The following CAD variants were observed in gnomAD, a reference collection of about 807,000 sequenced individuals.
CAD encodes carbamoyl-phosphate synthetase 2, aspartate transcarbamylase, and dihydroorotase.
A neutral mutation model predicts 237.2 loss-of-function variants in CAD; 81 were observed. That is an observed-to-expected ratio of 0.34 (90% CI 0.29 to 0.41). The LOEUF (loss-of-function observed/expected upper bound fraction) is 0.41. Ranked by LOEUF, CAD falls within the 10% of genes least tolerant of loss-of-function variation. The probability of loss-of-function intolerance (pLI) is 1.00; values close to 1 mark genes in which losing one functional copy is unlikely to be tolerated. For missense variants in CAD, 2,181 were observed against 2,951.7 expected (o/e 0.74, Z 6.05); for synonymous variants, 1,196 against 1,162.8 (o/e 1.03, Z -0.58).
At chr2:27,238,761 C>T (rs1676150555) in intron 31 of CAD, 129 bp downstream of exon 31, 1 of 832,496 alleles carries the variant, frequency 1.2e-6, no homozygotes, top group South Asian at 1.8e-5. Context: ...GGGACCCTAG[C>T]CTCTAGGGTA....
rs781164703 is a variant in CAD, at chr2:27,242,785, TCA to T, written c.6378+13_6378+14del. On this transcript the variant is annotated intron_variant, in intron 41 of 43. Coordinates refer to ENST00000264705, the MANE Select transcript of CAD (RefSeq NM_004341.5). This position sits in a 1 kb window ranked among gnomAD's most constrained non-coding sequence, Gnocchi z 6.4. The stretch of plus-strand genomic sequence containing the variant: ...CCGCGGCACCAAGCAGGTGAGACCC[TCA>T]CAGCCCTGCCTGGAAGCCATGGAGA... 4.3e-6 allele frequency: 7 copies of T among 1,614,156 alleles called. No homozygotes were observed. Among genetic ancestry groups the T allele is most frequent in the Admixed American group, 1.7e-5 (1 of 60,024 alleles).
intron 15 of CAD, among the ~76,000 whole-genome samples, chr2:27,229,958 T>C (rs745398628): frequency 6.6e-6 from 1 of 150,520 alleles, no homozygotes; most frequent in Admixed American, 6.6e-5. Flanking sequence ...AGTTAGTTGG[T>C]TGGGCGCAGT....
At chr2:27,220,244 G>A (rs903400836) in intron 2 of CAD, among the ~76,000 whole-genome samples, 1 of 152,146 alleles carries the variant, frequency 6.6e-6, no homozygotes, top group Non-Finnish European at 1.5e-5. Flanking sequence ...GACGTAAATA[G>A]CAAGAGAGGA....
Position 27,225,747 on chromosome 2 carries a change from C to G in CAD, c.1663C>G (p.Arg555Gly). The G allele has an allele frequency of 6.2e-7, 1 of 1,614,184 alleles. No individual in the cohort carries two copies. Among genetic ancestry groups the G allele is most frequent in the African/African-American group, 1.3e-5 (1 of 75,058 alleles). The change falls in exon 12 of 44, where the codon CGT (arginine) becomes GGT (glycine). Residue 555 changes from arginine to glycine, a missense_variant. Arg to Gly is a moderately radical substitution (Grantham distance 125). Transcript: ENST00000264705. ...ACGGCTGGGGTACCCTGTGCTAGTG[C>G]GTGCAGCCTTTGCCCTGGGTGGCCT... ...AERLGYPVLV[R>G]AAFALGGLGS...
chr2:27,230,607 CAA>C (rs1675700689), intron 15 of CAD, among the ~76,000 whole-genome samples: 8 of 150,924 alleles, frequency 5.3e-5, no homozygotes, highest in Admixed American at 4.0e-4. Context: ...GCCTGGGCAA[CAA>C]GAGCGAAAGT....
rs1675938909 is a variant in CAD, at chr2:27,235,087, AC to A, written c.3787-154del. 6.6e-6 allele frequency among the ~76,000 whole-genome samples: 1 copy of A among 152,142 alleles called. No homozygotes were observed. The highest frequency in any genetic ancestry group is 1.5e-5 in the Non-Finnish European group (1 of 68,024). On this transcript the variant is annotated intron_variant, in intron 23 of 43. Coordinates refer to ENST00000264705, the MANE Select transcript of CAD (RefSeq NM_004341.5). This position sits in a 1 kb window ranked among gnomAD's most constrained non-coding sequence, Gnocchi z 5.2. ...CATCCTAAGCAGAAGCTGAGGGATG[AC>A]CCCAAGTACGTTTGGAAAGCAGGAG...
In CAD at chr2:27,241,091, C is replaced by G. The variant is rs1676294854; in HGVS notation, c.5672C>G (p.Pro1891Arg). The G allele has an allele frequency of 6.2e-7, 1 of 1,609,210 alleles. No individual in the cohort carries two copies. The highest frequency in any genetic ancestry group is 1.3e-5 in the African/African-American group (1 of 74,614). Residue 1891 changes from proline to arginine, a missense_variant, in exon 37 of 44, where the codon CCT becomes CGT. Pro to Arg is a moderately radical substitution (Grantham distance 103, BLOSUM62 -2). Coordinates refer to ENST00000264705, the MANE Select transcript of CAD (RefSeq NM_004341.5). The surrounding 1 kb of genome is among the most constrained non-coding windows in gnomAD (Gnocchi z 4.6). ...LMGTPDGTCY[P>R]PPPVPRQASP... Reference sequence around the variant, plus strand: ...GGAACCCCTGATGGCACCTGCTACCCTCCACCACCAGTACCGAGACAGGCA... The same window carrying G: ...GGAACCCCTGATGGCACCTGCTACCGTCCACCACCAGTACCGAGACAGGCA...
chr2:27,242,615 C>T lies in CAD; in HGVS notation c.6223-5C>T. On this transcript the variant is annotated splice_polypyrimidine_tract_variant and splice_region_variant and intron_variant, in intron 40 of 43. Transcript: ENST00000264705. This position sits in a 1 kb window ranked among gnomAD's most constrained non-coding sequence, Gnocchi z 6.4. ...ATCCCTGTGGTGACTGGATTCCTCT[C>T]CTAGATCACGATGGTGGGTGACCTG... 1 of 1,589,192 alleles carries T rather than the reference C, an allele frequency of 6.3e-7. No individual in the cohort carries two copies. Among genetic ancestry groups the T allele is most frequent in the South Asian group, 1.1e-5 (1 of 87,536 alleles).
chr2:27,241,701 A>C lies in CAD; in HGVS notation c.5884-210A>C, dbSNP rs1676325755. Among the ~76,000 whole-genome samples, 2 of 152,092 alleles carry C rather than the reference A, an allele frequency of 1.3e-5. No individual in the cohort carries two copies. The highest frequency in any genetic ancestry group is 4.8e-5 in the African/African-American group (2 of 41,408). ...CCTTTCCCAGCTCGTTCAGACACTT[A>C]ATGATGGGTGGTTTTCTGGAGGCAG... is the stretch of plus-strand genomic sequence containing the variant. On this transcript the variant is annotated intron_variant, in intron 38 of 43. Transcript: ENST00000264705. This position sits in a 1 kb window ranked among gnomAD's most constrained non-coding sequence, Gnocchi z 4.6.
At position 27,221,266 on chromosome 2, in the gene CAD, T is replaced by G. The variant is rs1572421661; in HGVS notation, c.271T>G (p.Cys91Gly). The change falls in exon 3 of 44, where the codon TGC (cysteine) becomes GGC (glycine). Residue 91 changes from cysteine (C) to glycine (G), a missense_variant. Cys to Gly is a radical substitution (Grantham distance 159, BLOSUM62 -3). Around this residue, in one of 12 missense-constraint regions of CAD, gnomAD observed 314 missense variants for 339.4 expected, o/e 0.93. Transcript: ENST00000264705. ...CGTAGCAGCACTGGTAGTGGGAGAGTGCTGTCCTACTCCCAGCCACTGGAG... is the reference window on the plus strand; with the variant it reads ...CGTAGCAGCACTGGTAGTGGGAGAGGGCTGTCCTACTCCCAGCCACTGGAG... Reference protein sequence around the residue: ...IHVAALVVGECCPTPSHWSAT... With the variant: ...IHVAALVVGEGCPTPSHWSAT... 1 of 1,589,760 alleles carries G rather than the reference T, an allele frequency of 6.3e-7. No individual in the cohort carries two copies. Among genetic ancestry groups the G allele is most frequent in the African/African-American group, 1.3e-5 (1 of 74,256 alleles).
chr2:27,240,232 A>C lies in CAD; in HGVS notation c.5497-33A>C. The C allele has an allele frequency of 6.4e-7, 1 of 1,559,064 alleles. No individual in the cohort carries two copies. The highest frequency in any genetic ancestry group is 8.7e-7 in the Non-Finnish European group (1 of 1,146,168). ...AGACTCCGTCTCAAAAGAAAAAAAA[A>C]AAAACAACTCTGGGCCAACGTTATC... On this transcript the variant is annotated intron_variant, in intron 34 of 43. Coordinates refer to ENST00000264705, the MANE Select transcript of CAD (RefSeq NM_004341.5). This position sits in a 1 kb window ranked among gnomAD's most constrained non-coding sequence, Gnocchi z 4.6.
chr2:27,219,145 T>C (rs1675024470), intron 2 of CAD, among the ~76,000 whole-genome samples: 1 of 152,306 alleles, frequency 6.6e-6, no homozygotes, highest in South Asian at 2.1e-4. Flanking sequence ...CACTCGCACA[T>C]ATAAATGGAT....
chr2:27,234,769 C>T lies in CAD; in HGVS notation c.3786+84C>T, dbSNP rs536850750. 1.3e-5 allele frequency: 17 copies of T among 1,328,592 alleles called. No individual in the cohort carries two copies. The East Asian group carries it at 2.7e-4, about 21-fold the overall frequency. 82.3% of individuals were successfully genotyped at this position (1,328,592 alleles called of 1,614,324 possible). On this transcript the variant is annotated intron_variant, in intron 23 of 43. Transcript: ENST00000264705. ...CCACACAGAGTTGTCAGTATGTAAA[C>T]CAGGCACTGACTGCAAGGCATTGCC...
In CAD at chr2:27,237,017, ATT is replaced by A. The variant is rs149723808; in HGVS notation, c.4396+208_4396+209del. 3.2e-4 allele frequency among the ~76,000 whole-genome samples: 41 copies of A among 126,460 alleles called. No homozygotes were observed. The highest frequency in any genetic ancestry group is 4.0e-3 in the Middle Eastern group (1 of 252). The allele number at this position is 126,460 out of a possible 152,430, so 83.0% of individuals were successfully genotyped here. On this transcript the variant is annotated intron_variant, in intron 27 of 43. Transcript: ENST00000264705. This position sits in a 1 kb window ranked among gnomAD's most constrained non-coding sequence, Gnocchi z 4.0. ...TGTCCACAGTGGCCTTGTCTGAGGA[ATT>A]TTTTTTTTTTTTTTTTTTTTGAGAC... is the stretch of plus-strand genomic sequence containing the variant.
intron 31 of CAD, 81 bp from the exon 32 acceptor site, chr2:27,238,961 G>T: frequency 7.5e-7 from 1 of 1,333,490 alleles, no homozygotes; most frequent in Non-Finnish European, 1.0e-6. Context: ...GGAGGTTGTT[G>T]GAAGTGCAGT....
chr2:27,229,911 G>A (rs1675647121), intron 15 of CAD, among the ~76,000 whole-genome samples: 1 of 150,286 alleles, frequency 6.7e-6, no homozygotes, highest in Non-Finnish European at 1.5e-5. Context: ...ATGTCCTTCA[G>A]TTAGTAGTTA....
Position 27,237,893 on chromosome 2 carries a change from T to C in CAD, c.4728+11T>C, listed in dbSNP as rs775778246. 4 of 1,596,722 alleles carry C rather than the reference T, an allele frequency of 2.5e-6. No individual in the cohort carries two copies. The highest frequency in any genetic ancestry group is 3.4e-5 in the Admixed American group (2 of 58,778). On this transcript the variant is annotated intron_variant, in intron 29 of 43. Coordinates refer to ENST00000264705, the MANE Select transcript of CAD (RefSeq NM_004341.5). This position sits in a 1 kb window ranked among gnomAD's most constrained non-coding sequence, Gnocchi z 4.0. Reference sequence around the variant, plus strand: ...GTCCAGTGGATGGAGGTAGGGAGTGTGCATGTGGCAGGAGGCCACCACCCA... The same window carrying C: ...GTCCAGTGGATGGAGGTAGGGAGTGCGCATGTGGCAGGAGGCCACCACCCA...
intron 15 of CAD, among the ~76,000 whole-genome samples, chr2:27,230,552 G>C (rs775177124): frequency 9.2e-5 from 14 of 152,026 alleles, no homozygotes; most frequent in Non-Finnish European, 1.9e-4. Flanking sequence ...CTTGAACCCA[G>C]GAAGCAGAGG....
At chr2:27,221,101 G>A (rs192442822) in intron 2 of CAD, 117 bp from the exon 3 acceptor site, 22 of 744,198 alleles carry the variant, frequency 3.0e-5, no homozygotes, top group African/African-American at 5.3e-5. Flanking sequence ...CCAAAAGTTT[G>A]GTATATTGAA....
Sources: gnomAD v4.1 joint callset for allele counts (sites outside exome capture counted in the v4.1 genomes callset) on GRCh38, gnomAD v4.1.1 for gene constraint, gnomAD v4.1.1 regional missense constraint, Gnocchi (gnomAD v3.1) non-coding constraint, MANE v1.5 for transcripts, NCBI Gene and HGNC (gene_info 2026-07-23, HGNC 2026-07-21) for gene names.